The following SLC35F3 variants were observed in gnomAD, a reference collection of about 807,000 sequenced individuals.
The protein encoded by SLC35F3 is solute carrier family 35 member F3.
SLC35F3 carries 25 observed loss-of-function variants against 49.9 expected under a neutral mutation model. That is an observed-to-expected ratio of 0.50 (90% CI 0.37 to 0.70). The LOEUF (loss-of-function observed/expected upper bound fraction) is 0.70, where lower values mean the gene tolerates loss of function less well. Ranked by LOEUF, SLC35F3 falls within the 30% of genes least tolerant of loss-of-function variation. The pLI is 0.00. For missense variants in SLC35F3, 525 were observed against 639.8 expected, an observed-to-expected ratio of 0.82 and a Z score of 1.94; for synonymous variants, 275 against 265.4, an observed-to-expected ratio of 1.04 and a Z score of -0.35.
chr1:233,960,714 G>T lies in SLC35F3; in HGVS notation c.283+54956G>T, dbSNP rs182867578. Among the ~76,000 whole-genome samples, 418 of 152,330 alleles carry T rather than the reference G, an allele frequency of 2.7e-3. 1 individual carries two copies. The highest frequency in any genetic ancestry group is 0.02 in the Middle Eastern group (6 of 294). ...TAGTCAACTCTGTTTCATCACAGAAGATGGGTTTAGGAGAATGGCCAGAAT... is the reference window on the plus strand; with the variant it reads ...TAGTCAACTCTGTTTCATCACAGAATATGGGTTTAGGAGAATGGCCAGAAT... On this transcript the variant is annotated intron_variant, in intron 2 of 7. Transcript: ENST00000366618.
At chr1:233,965,496 A>G (rs1421606311) in intron 2 of SLC35F3, among the ~76,000 whole-genome samples, 1 of 152,198 alleles carries the variant, frequency 6.6e-6, no homozygotes, top group Non-Finnish European at 1.5e-5. Flanking sequence ...GGTTGCCAAC[A>G]TGAGAGACTC....
chr1:233,975,457 C>T (rs1572004886), intron 2 of SLC35F3, among the ~76,000 whole-genome samples: 1 of 152,228 alleles, frequency 6.6e-6, no homozygotes, highest in Non-Finnish European at 1.5e-5. Flanking sequence ...CTGTGTCAAT[C>T]ACGGCCCCGT....
At chr1:234,296,868 A>C (rs1268698686) in intron 3 of SLC35F3, among the ~76,000 whole-genome samples, 1 of 152,250 alleles carries the variant, frequency 6.6e-6, no homozygotes, top group African/African-American at 2.4e-5. Flanking sequence ...CCAGTCCTCA[A>C]GGGAAAATCT....
At chr1:234,226,843 C>T (rs1447324928) in intron 2 of SLC35F3, among the ~76,000 whole-genome samples, 1 of 152,142 alleles carries the variant, frequency 6.6e-6, no homozygotes, top group Non-Finnish European at 1.5e-5. Flanking sequence ...GCCCTCAGGA[C>T]ACTAAGACAG....
At chr1:234,066,857 CACACACACACA>C (rs1664629374) in intron 2 of SLC35F3, among the ~76,000 whole-genome samples, 1 of 150,894 alleles carries the variant, frequency 6.6e-6, no homozygotes, top group Non-Finnish European at 1.5e-5. Context: ...CACACACACA[CACACACACACA>C]CACACACAAT....
At chr1:234,098,545 G>A (rs1016973638) in intron 2 of SLC35F3, among the ~76,000 whole-genome samples, 1 of 150,854 alleles carries the variant, frequency 6.6e-6, no homozygotes, top group Non-Finnish European at 1.5e-5. Context: ...GATGATGGTG[G>A]TGGTGATTAT....
intron 2 of SLC35F3, among the ~76,000 whole-genome samples, chr1:234,096,810 A>G (rs1665131768): frequency 6.6e-6 from 1 of 152,204 alleles, no homozygotes; most frequent in African/African-American, 2.4e-5. Context: ...GTGATAGAAA[A>G]GATGTCTTTC....
intron 2 of SLC35F3, among the ~76,000 whole-genome samples, chr1:234,113,071 A>T (rs547455905): frequency 6.6e-6 from 1 of 152,200 alleles, no homozygotes; most frequent in South Asian, 2.1e-4. Context: ...CCATTTTAAA[A>T]AAAGAAGAAG....
At chr1:234,126,583 C>T (rs749428260) in intron 2 of SLC35F3, among the ~76,000 whole-genome samples, 4 of 152,184 alleles carry the variant, frequency 2.6e-5, no homozygotes, top group Non-Finnish European at 5.9e-5. Flanking sequence ...CAGGCTCCCT[C>T]TTGCCCTTTC....
intron 2 of SLC35F3, among the ~76,000 whole-genome samples, chr1:234,205,758 A>G (rs1452652169): frequency 6.6e-6 from 1 of 152,250 alleles, no homozygotes; most frequent in African/African-American, 2.4e-5. Context: ...AAAGTAAGCC[A>G]GCACCAAGCC....
chr1:233,974,690 A>G (rs1430006905), intron 2 of SLC35F3, among the ~76,000 whole-genome samples: 1 of 152,182 alleles, frequency 6.6e-6, no homozygotes, highest in Non-Finnish European at 1.5e-5. Flanking sequence ...CAGTGGCTCC[A>G]TGCTCTCCAC....
intron 2 of SLC35F3, among the ~76,000 whole-genome samples, chr1:234,200,187 A>G (rs1177916604): frequency 2.0e-5 from 3 of 152,170 alleles, no homozygotes; most frequent in Non-Finnish European, 4.4e-5. Flanking sequence ...CTGTGTTCTC[A>G]TGTTTATCGA....
intron 2 of SLC35F3, among the ~76,000 whole-genome samples, chr1:234,017,483 G>T (rs1274630306): frequency 6.6e-6 from 1 of 151,952 alleles, no homozygotes; most frequent in East Asian, 1.9e-4. Flanking sequence ...GGAGGCTGAG[G>T]CGGGTGGATC....
intron 2 of SLC35F3, among the ~76,000 whole-genome samples, chr1:234,088,163 G>A (rs1664987916): frequency 1.3e-5 from 2 of 152,252 alleles, no homozygotes; most frequent in African/African-American, 4.8e-5. Context: ...CAGTTTTGTT[G>A]TTGTTGTTGT....
intron 2 of SLC35F3, among the ~76,000 whole-genome samples, chr1:234,205,266 A>G (rs924545853): frequency 2.6e-5 from 4 of 152,194 alleles, no homozygotes; most frequent in African/African-American, 9.6e-5. Context: ...GCCTTTGGGG[A>G]GTATTACTGA....
intron 2 of SLC35F3, among the ~76,000 whole-genome samples, chr1:234,048,310 A>C (rs1178308501): frequency 5.3e-5 from 8 of 152,218 alleles, no homozygotes; most frequent in African/African-American, 1.9e-4. Flanking sequence ...CATTCTGGAG[A>C]GAACAACAAA....
chr1:234,230,227 G>A (rs1653705339), intron 2 of SLC35F3, among the ~76,000 whole-genome samples: 1 of 152,196 alleles, frequency 6.6e-6, no homozygotes, highest in Non-Finnish European at 1.5e-5. Context: ...GGTGGTTAAC[G>A]ATATTAGCTA....
chr1:234,321,583 C>T (rs1657620895), intron 7 of SLC35F3, among the ~76,000 whole-genome samples: 1 of 152,206 alleles, frequency 6.6e-6, no homozygotes, highest in Non-Finnish European at 1.5e-5. Flanking sequence ...CTCCAGAAGG[C>T]GTGCTCCAGT....
At chr1:234,108,093 A>T (rs1665311104) in intron 2 of SLC35F3, among the ~76,000 whole-genome samples, 1 of 150,580 alleles carries the variant, frequency 6.6e-6, no homozygotes, top group Non-Finnish European at 1.5e-5. Flanking sequence ...GAAACAAGCC[A>T]CAGAAATGGC....
Sources: allele counts gnomAD v4.1 joint callset (sites outside exome capture counted in the v4.1 genomes callset), GRCh38; gene constraint gnomAD v4.1.1; transcripts MANE v1.5; gene names NCBI Gene and HGNC (gene_info 2026-07-23, HGNC 2026-07-21).